Variants in COL23A1 observed in about 807,000 individuals in gnomAD.
The protein encoded by COL23A1 is collagen type XXIII alpha 1 chain.
In COL23A1, 97 loss-of-function variants were observed where a neutral mutation model predicts 99.3. The observed-to-expected ratio is 0.98, with a 90% CI of 0.83 to 1.16. The LOEUF (loss-of-function observed/expected upper bound fraction) is 1.16, where lower values mean the gene tolerates loss of function less well. Ranked by LOEUF, COL23A1 falls within the 50% of genes most tolerant of loss-of-function variation. The probability of loss-of-function intolerance (pLI) is 0.00; values close to 1 mark genes in which losing one functional copy is unlikely to be tolerated. For missense variants in COL23A1, 762 were observed against 757.4 expected, an observed-to-expected ratio of 1.01 and a Z score of -0.07; for synonymous variants, 320 against 308.2, an observed-to-expected ratio of 1.04 and a Z score of -0.40.
chr5:178,585,479 C>T (rs924408794), intron 1 of COL23A1, among the ~76,000 whole-genome samples: 1 of 151,392 alleles, frequency 6.6e-6, no homozygotes. Context: ...GGGGGTAACA[C>T]TCCACAGCCC....
intron 2 of COL23A1, among the ~76,000 whole-genome samples, chr5:178,445,212 T>C (rs1237000782): frequency 6.6e-6 from 1 of 152,252 alleles, no homozygotes; most frequent in Non-Finnish European, 1.5e-5. Context: ...CATTTAAGAA[T>C]CTTTCCTTTT....
At chr5:178,443,616 A>G (rs2127845329) in intron 2 of COL23A1, among the ~76,000 whole-genome samples, 1 of 135,304 alleles carries the variant, frequency 7.4e-6, no homozygotes, top group South Asian at 2.3e-4. Context: ...GCTCGCCACC[A>G]TGCCCAGCTA....
rs567968874 is a variant in COL23A1, at chr5:178,257,780, G to A, written c.730-213C>T. On this transcript the variant is annotated intron_variant, in intron 12 of 28. Transcript: ENST00000390654. ...CCCCTGTTCCCACCAGCCCAGGGCT[G>A]GCATTTGCAGAAAGAACGGATGGGC... Among the ~76,000 whole-genome samples the A allele has an allele frequency of 4.6e-5, 7 of 152,368 alleles. No homozygotes were observed. In the South Asian group the frequency reaches 1.2e-3, roughly 27 times the overall value.
chr5:178,241,509 C>G (rs550816050), intron 27 of COL23A1, among the ~76,000 whole-genome samples: 80 of 152,286 alleles, frequency 5.3e-4, no homozygotes, highest in South Asian at 5.2e-3. Context: ...AGCTTGGCCT[C>G]AGGCCCAGTG....
At chr5:178,509,004 T>G (rs975594354) in intron 2 of COL23A1, among the ~76,000 whole-genome samples, 2 of 152,214 alleles carry the variant, frequency 1.3e-5, no homozygotes, top group Non-Finnish European at 2.9e-5. Context: ...AAAATATGTT[T>G]CAGATGCCAA....
Position 178,257,572 on chromosome 5 carries a change from G to T in COL23A1, c.730-5C>A. 2 of 1,556,462 alleles carry T rather than the reference G, an allele frequency of 1.3e-6. No homozygotes were observed. Among genetic ancestry groups the T allele is most frequent in the East Asian group, 2.4e-5 (1 of 41,440 alleles). On this transcript the variant is annotated splice_region_variant and splice_polypyrimidine_tract_variant and intron_variant, in intron 12 of 28. Coordinates refer to ENST00000390654, the MANE Select transcript of COL23A1 (RefSeq NM_173465.4). ...GCTTGGTGTCCCATCGTCGCCCTGA[G>T]GAGAGGACACCTGGGGCTTGCCGGT...
At chr5:178,321,863 G>A (rs1169334572) in intron 2 of COL23A1, among the ~76,000 whole-genome samples, 4 of 151,928 alleles carry the variant, frequency 2.6e-5, no homozygotes, top group African/African-American at 7.3e-5. Flanking sequence ...CACCCAGGCC[G>A]GAGTACAGTG....
chr5:178,247,007 C>A (rs1764735605), intron 22 of COL23A1, among the ~76,000 whole-genome samples: 1 of 152,198 alleles, frequency 6.6e-6, no homozygotes, highest in African/African-American at 2.4e-5. Flanking sequence ...AGGAGTGAGG[C>A]CAGGTGGCCT....
At chr5:178,250,034 C>T (rs1764949520) in intron 18 of COL23A1, 27 bp downstream of exon 18, 3 of 1,613,780 alleles carry the variant, frequency 1.9e-6, no homozygotes, top group Non-Finnish European at 1.7e-6. Flanking sequence ...GCACTGGCAT[C>T]ACCAAGGAAA....
At chr5:178,560,337 C>T (rs1399339061) in intron 2 of COL23A1, among the ~76,000 whole-genome samples, 2 of 152,196 alleles carry the variant, frequency 1.3e-5, no homozygotes, top group Admixed American at 6.5e-5. Flanking sequence ...GTGGTGGCAA[C>T]TGGGGTTCCA....
At chr5:178,583,660 T>C (rs73346583) in intron 1 of COL23A1, among the ~76,000 whole-genome samples, 2,347 of 152,236 alleles carry the variant, frequency 0.015, 68 homozygotes, top group African/African-American at 0.053. Flanking sequence ...GCTGGGACTG[T>C]TGGAAAACAG....
intron 2 of COL23A1, among the ~76,000 whole-genome samples, chr5:178,311,350 C>T (rs1312956772): frequency 6.6e-6 from 1 of 152,146 alleles, no homozygotes; most frequent in Non-Finnish European, 1.5e-5. Context: ...GAATCATGAA[C>T]CAGATGAGCT....
chr5:178,522,891 G>A (rs191658771), intron 2 of COL23A1, among the ~76,000 whole-genome samples: 1 of 152,156 alleles, frequency 6.6e-6, no homozygotes, highest in Non-Finnish European at 1.5e-5. Context: ...TGGACCCCAA[G>A]CGTGGCTTTA....
At chr5:178,559,466 G>A (rs1261777610) in intron 2 of COL23A1, among the ~76,000 whole-genome samples, 2 of 151,558 alleles carry the variant, frequency 1.3e-5, no homozygotes, top group Admixed American at 1.3e-4. Flanking sequence ...ACGTCGAGAA[G>A]TCTGAGACAC....
chr5:178,523,201 T>TATATATATATATATATAGAGAG (rs1223542330), intron 2 of COL23A1, among the ~76,000 whole-genome samples: 1 of 77,632 alleles, frequency 1.3e-5, no homozygotes, highest in Admixed American at 1.9e-4. Context: ...TATATATATA[T>TATATATATATATATATAGAGAG]AGAGAGAGAG....
intron 1 of COL23A1, chr5:178,562,671 A>C (rs1299315681): frequency 6.6e-6 from 1 of 151,538 alleles, no homozygotes; most frequent in Non-Finnish European, 1.5e-5. Context: ...TTTATTGTGA[A>C]GAGCAAAAGA....
Position 178,474,758 on chromosome 5 carries a change from T to C in COL23A1, c.361+85924A>G, listed in dbSNP as rs573114614. On this transcript the variant is annotated intron_variant, in intron 2 of 28. Transcript: ENST00000390654. ...AGAAAATCAATTGCTCCCAAGAAGC[T>C]TGCATTCCAGCAGGGAACACAGATT... 5.3e-5 allele frequency among the ~76,000 whole-genome samples: 8 copies of C among 152,352 alleles called. No homozygotes were observed. In the East Asian group the frequency reaches 1.2e-3, roughly 22 times the overall value.
chr5:178,552,837 C>A (rs1166964090), intron 2 of COL23A1, among the ~76,000 whole-genome samples: 1 of 152,004 alleles, frequency 6.6e-6, no homozygotes, highest in African/African-American at 2.4e-5. Context: ...CCTCAGTCTC[C>A]TGAGTAGCTG....
chr5:178,489,399 A>G (rs923114715), intron 2 of COL23A1, among the ~76,000 whole-genome samples: 1 of 152,234 alleles, frequency 6.6e-6, no homozygotes, highest in Non-Finnish European at 1.5e-5. Context: ...TGAGGCGTTC[A>G]GACTTGGACT....
Sources: gnomAD v4.1 joint callset for allele counts (sites outside exome capture counted in the v4.1 genomes callset) on GRCh38, gnomAD v4.1.1 for gene constraint, MANE v1.5 for transcripts, NCBI Gene and HGNC (gene_info 2026-07-23, HGNC 2026-07-21) for gene names.